The following MUC17 variants were observed in gnomAD, a reference collection of about 807,000 sequenced individuals.
MUC17 encodes the protein mucin 17, cell surface associated.
A neutral mutation model predicts 170.3 loss-of-function variants in MUC17; 190 were observed. The observed-to-expected ratio is 1.12, with a 90% CI of 0.99 to 1.26. The LOEUF is 1.26. Ranked by LOEUF, MUC17 falls within the 50% of genes most tolerant of loss-of-function variation. The probability of loss-of-function intolerance (pLI) is 0.00; values close to 1 mark genes in which losing one functional copy is unlikely to be tolerated. For missense variants in MUC17, 6,415 were observed against 5,530.0 expected, an observed-to-expected ratio of 1.16 and a Z score of -5.08; for synonymous variants, 2,325 against 2,002.5, an observed-to-expected ratio of 1.16 and a Z score of -4.30.
In MUC17 at chr7:101,020,099, G is replaced by T; in HGVS notation, c.-37G>T. ...TGAGGCTCATTTCGCCAGCTCCTCT[G>T]GGGGTGACAGGCAAGTGAGACGTGC... On this transcript the variant is annotated 5_prime_UTR_variant, in exon 1 of 13. Coordinates refer to ENST00000306151, the MANE Select transcript of MUC17 (RefSeq NM_001040105.2). 6.4e-7 allele frequency: 1 copy of T among 1,552,512 alleles called. No homozygotes were observed.
chr7:101,030,479 T>C (rs1794259172), intron 1 of MUC17, among the ~76,000 whole-genome samples: 1 of 152,196 alleles, frequency 6.6e-6, no homozygotes, highest in Non-Finnish European at 1.5e-5. Flanking sequence ...TGCCTCAGCT[T>C]CCCAAAGTGC....
chr7:101,030,240 T>TG (rs1048301715), intron 1 of MUC17, among the ~76,000 whole-genome samples: 5 of 151,838 alleles, frequency 3.3e-5, no homozygotes, highest in Non-Finnish European at 7.4e-5. Flanking sequence ...CTTTTTTTTT[T>TG]TTTTTTGAGT....
chr7:101,032,612 C>T lies in MUC17; in HGVS notation c.1196C>T (p.Pro399Leu). 6.2e-7 allele frequency: 1 copy of T among 1,614,024 alleles called. No individual in the cohort carries two copies. The highest frequency in any genetic ancestry group is 8.5e-7 in the Non-Finnish European group (1 of 1,179,964). ...GGAAGCACTCCATTAACAAATATGC[C>T]TGTCAGCACCATATTGGTGGCCAGT... ...SEGSTPLTNM[P>L]VSTILVASSE... Residue 399 changes from proline to leucine, a missense_variant, in exon 3 of 13, where the codon CCT becomes CTT. Physicochemically the swap from Pro to Leu is moderately conservative, Grantham distance 98. Transcript: ENST00000306151.
At chr7:101,021,210 G>T (rs1794073678) in intron 1 of MUC17, among the ~76,000 whole-genome samples, 1 of 130,276 alleles carries the variant, frequency 7.7e-6, no homozygotes, top group Non-Finnish European at 1.6e-5. Context: ...TTTTGAGACG[G>T]AGCCTCGCTC....
chr7:101,055,258 A>T (rs187937786), intron 11 of MUC17, among the ~76,000 whole-genome samples: 1,808 of 151,444 alleles, frequency 0.012, 26 homozygotes, highest in Non-Finnish European at 0.013. Flanking sequence ...GATTTTTTTA[A>T]AAAAAAATCT....
At position 101,039,191 on chromosome 7, in the gene MUC17, G is replaced by A. The variant is rs763523521; in HGVS notation, c.7775G>A (p.Ser2592Asn). ...AAGCCGTTGGCCAGTTCTGAGGCTAGCACTCTTTCAACAACTCCTGTTGAC... is the reference window on the plus strand; with the variant it reads ...AAGCCGTTGGCCAGTTCTGAGGCTAACACTCTTTCAACAACTCCTGTTGAC... ...STKPLASSEA[S>N]TLSTTPVDTS... The change falls in exon 3 of 13, where the codon AGC (serine) becomes AAC (asparagine). Residue 2592 changes from serine to asparagine, a missense_variant. By Grantham distance (46) the Ser-to-Asn change is conservative (BLOSUM62 1). Coordinates refer to ENST00000306151, the MANE Select transcript of MUC17 (RefSeq NM_001040105.2). 7 of 1,613,524 alleles carry A rather than the reference G, an allele frequency of 4.3e-6. No homozygotes were observed. The highest frequency in any genetic ancestry group is 1.6e-4 in the Middle Eastern group (1 of 6,082).
Position 101,034,122 on chromosome 7 carries a change from C to G in MUC17, c.2706C>G (p.Ala902=). 1 of 1,584,630 alleles carries G rather than the reference C, an allele frequency of 6.3e-7. No homozygotes were observed. The highest frequency in any genetic ancestry group is 8.6e-7 in the Non-Finnish European group (1 of 1,164,632). ...TSTPVTNSTE[A]RSSPTTSEGT... Reference sequence around the variant, plus strand: ...CACCTGTGACCAATTCTACTGAAGCCCGTTCGTCTCCTACAACTTCTGAAG... The same window carrying G: ...CACCTGTGACCAATTCTACTGAAGCGCGTTCGTCTCCTACAACTTCTGAAG... Residue 902 remains alanine, a synonymous_variant, in exon 3 of 13, where the codon GCC becomes GCG. Transcript: ENST00000306151.
At chr7:101,020,740 C>A (rs1327571025) in intron 1 of MUC17, among the ~76,000 whole-genome samples, 10 of 152,152 alleles carry the variant, frequency 6.6e-5, no homozygotes. Flanking sequence ...CTGCCATGAA[C>A]CAGCTGTGCA....
Position 101,039,805 on chromosome 7 carries a change from G to A in MUC17, c.8389G>A (p.Val2797Ile). ...CAGTTCCTCTCCTACAACTGCTGAA[G>A]TTACCAGCATGCCAACCTCAACTCC... ...EASSSPTTAE[V>I]TSMPTSTPSE... is the part of the protein sequence containing the mutation. The change falls in exon 3 of 13, where the codon GTT becomes ATT. Residue 2797 changes from valine to isoleucine, a missense_variant. Coordinates refer to ENST00000306151, the MANE Select transcript of MUC17 (RefSeq NM_001040105.2). 6.2e-7 allele frequency: 1 copy of A among 1,608,988 alleles called. No individual in the cohort carries two copies. Among genetic ancestry groups the A allele is most frequent in the Non-Finnish European group, 8.5e-7 (1 of 1,177,014 alleles).
At position 101,042,925 on chromosome 7, in the gene MUC17, A is replaced by G. The variant is rs1454164205; in HGVS notation, c.11509A>G (p.Thr3837Ala). The change falls in exon 3 of 13, where the codon ACA (threonine) becomes GCA (alanine). Residue 3837 changes from threonine to alanine, a missense_variant. Thr to Ala is a moderately conservative substitution (Grantham distance 58). Transcript: ENST00000306151. Reference sequence around the variant, plus strand: ...TCCTTCTGAGGCCAGCACACTTTCAACACCTCCTGGTGATACCAGCACACC... The same window carrying G: ...TCCTTCTGAGGCCAGCACACTTTCAGCACCTCCTGGTGATACCAGCACACC... ...MSPSEASTLS[T>A]PPGDTSTPLL... 3.1e-6 allele frequency: 5 copies of G among 1,613,902 alleles called. 1 individual carries two copies. The Middle Eastern group carries it at 6.6e-4, about 212-fold the overall frequency.
chr7:101,051,960 C>G lies in MUC17; in HGVS notation c.13101C>G (p.Cys4367Trp), dbSNP rs969820351. The G allele has an allele frequency of 1.2e-6, 2 of 1,611,144 alleles. No homozygotes were observed. The highest frequency in any genetic ancestry group is 1.7e-6 in the Non-Finnish European group (2 of 1,177,946). Residue 4367 changes from cysteine (C) to tryptophan (W), a missense_variant and splice_region_variant, in exon 9 of 13, where the codon TGC becomes TGG. By Grantham distance (215) the Cys-to-Trp change is radical. Transcript: ENST00000306151. ...AGATGTCTCTAAGTGGACCTCAGTG[C>G]CTGTGAGTGCTCCCCCATCTCCTCC... ...KCQMSLSGPQ[C>W]LCVTTETHWY... is the part of the protein sequence containing the mutation.
At chr7:101,048,430 TTAA>T (rs1322508583) in intron 4 of MUC17, among the ~76,000 whole-genome samples, 1 of 149,386 alleles carries the variant, frequency 6.7e-6, no homozygotes, top group Non-Finnish European at 1.5e-5. Context: ...ATTTATTTAT[TTAA>T]AAAAAAAAAA....
At chr7:101,053,802 C>T (rs1794999203) in intron 11 of MUC17, among the ~76,000 whole-genome samples, 2 of 151,236 alleles carry the variant, frequency 1.3e-5, no homozygotes, top group South Asian at 2.1e-4. Flanking sequence ...ATCACTTGAA[C>T]CCGGGAGGCA....
intron 1 of MUC17, among the ~76,000 whole-genome samples, chr7:101,022,199 G>C (rs1794104229): frequency 7.2e-6 from 1 of 138,958 alleles, no homozygotes; most frequent in African/African-American, 2.7e-5. Context: ...AGGAGTCTCA[G>C]TCTATCTCCC....
Position 101,043,936 on chromosome 7 carries a change from A to C in MUC17, c.12403+117A>C, listed in dbSNP as rs563852916. 7.4e-6 allele frequency: 7 copies of C among 942,268 alleles called. No individual in the cohort carries two copies. The African/African-American group carries it at 1.2e-4, about 16-fold the overall frequency. The allele number at this position is 942,268 out of a possible 1,614,324, so 58.4% of individuals were successfully genotyped here. On this transcript the variant is annotated intron_variant, in intron 3 of 12. Coordinates refer to ENST00000306151, the MANE Select transcript of MUC17 (RefSeq NM_001040105.2). ...TACGTGTGCCATGTTGGTTTGCTGC[A>C]CCCATTAACTCATCATTTACATTAG...
In MUC17 at chr7:101,058,544, T is replaced by C. The variant is rs1297486642; in HGVS notation, c.*500T>C. Reference sequence around the variant, plus strand: ...TCCCTGCTAGCACTTCCAAACAAGCTCAGAGATGTTCCTCCCCTCATCTGC... The same window carrying C: ...TCCCTGCTAGCACTTCCAAACAAGCCCAGAGATGTTCCTCCCCTCATCTGC... On this transcript the variant is annotated 3_prime_UTR_variant, in exon 13 of 13. Coordinates refer to ENST00000306151, the MANE Select transcript of MUC17 (RefSeq NM_001040105.2). 6.5e-6 allele frequency: 1 copy of C among 152,720 alleles called. No individual in the cohort carries two copies. The highest frequency in any genetic ancestry group is 6.5e-5 in the Admixed American group (1 of 15,350). 9.5% of individuals were successfully genotyped at this position (152,720 alleles called of 1,614,324 possible).
At position 101,039,031 on chromosome 7, in the gene MUC17, C is replaced by T. The variant is rs758213023; in HGVS notation, c.7615C>T (p.Pro2539Ser). 33 of 1,613,740 alleles carry T rather than the reference C, an allele frequency of 2.0e-5. No homozygotes were observed. Among genetic ancestry groups the T allele is most frequent in the Non-Finnish European group, 2.3e-5 (27 of 1,179,934 alleles). Residue 2539 changes from proline (P) to serine (S), a missense_variant, in exon 3 of 13, where the codon CCT becomes TCT. Transcript: ENST00000306151. ...SPEASTLSTT[P>S]VDSNSPVVTS... is the part of the protein sequence containing the mutation. ...TGAGGCTAGCACCCTTTCAACAACT[C>T]CTGTTGACTCCAACAGTCCTGTGGT...
Position 101,043,257 on chromosome 7 carries a change from C to T in MUC17, c.11841C>T (p.Thr3947=). ...TTTTTATTCCCAGCACTCCTGTCAC[C>T]AGTTCTACTGCTGATGTCTTTCCTG... is the stretch of plus-strand genomic sequence containing the variant. ...TTIFIPSTPV[T]SSTADVFPAT... The change falls in exon 3 of 13, where the codon ACC becomes ACT. Residue 3947 remains threonine, a synonymous_variant. Transcript: ENST00000306151. The T allele has an allele frequency of 1.9e-6, 3 of 1,614,166 alleles. No individual in the cohort carries two copies. Among genetic ancestry groups the T allele is most frequent in the Non-Finnish European group, 2.5e-6 (3 of 1,180,040 alleles).
chr7:101,052,023 A>G (rs1794957871), intron 9 of MUC17, 61 bp downstream of exon 9: 25 of 1,559,916 alleles, frequency 1.6e-5, no homozygotes, highest in Non-Finnish European at 2.2e-5. Context: ...CCTCCCCTGC[A>G]GGGCTTCACC....
Sources: gnomAD v4.1 joint callset for allele counts (sites outside exome capture counted in the v4.1 genomes callset) on GRCh38, gnomAD v4.1.1 for gene constraint, MANE v1.5 for transcripts, NCBI Gene and HGNC (gene_info 2026-07-23, HGNC 2026-07-21) for gene names.